The following PCDHB15 variants were observed in gnomAD, a reference collection of about 807,000 sequenced individuals.
The protein encoded by PCDHB15 is protocadherin beta 15.
For missense variants in PCDHB15, 1,032 were observed against 991.7 expected (o/e 1.04, Z -0.55); for synonymous variants, 492 against 447.9 (o/e 1.10, Z -1.24).
chr5:141,245,540 G>C lies in PCDHB15; in HGVS notation c.-39G>C, dbSNP rs371411576. 1 of 1,579,720 alleles carries C rather than the reference G, an allele frequency of 6.3e-7. No homozygotes were observed. Among genetic ancestry groups the C allele is most frequent in the South Asian group, 1.1e-5 (1 of 88,032 alleles). ...TCCCATCGCTCCCTGAAGTAGCTCTGACTCCGGTTCCTTGAAAGGGGCGTG... is the reference window on the plus strand; with the variant it reads ...TCCCATCGCTCCCTGAAGTAGCTCTCACTCCGGTTCCTTGAAAGGGGCGTG... On this transcript the variant is annotated 5_prime_UTR_variant, in exon 1 of 1. Coordinates refer to ENST00000231173, the MANE Select transcript of PCDHB15 (RefSeq NM_018935.4).
chr5:141,246,621 G>T lies in PCDHB15; in HGVS notation c.1043G>T (p.Ser348Ile), dbSNP rs1316713200. Residue 348 changes from serine (S) to isoleucine (I), a missense_variant, in exon 1 of 1, where the codon AGT (serine) becomes ATT (isoleucine). Coordinates refer to ENST00000231173, the MANE Select transcript of PCDHB15 (RefSeq NM_018935.4). ...LDVNDNFPEL[S>I]ISSLTSPIPE... Reference sequence around the variant, plus strand: ...GTTAACGATAACTTCCCGGAACTAAGTATTTCATCACTTACCAGCCCTATT... The same window carrying T: ...GTTAACGATAACTTCCCGGAACTAATTATTTCATCACTTACCAGCCCTATT... 3.1e-6 allele frequency: 5 copies of T among 1,614,086 alleles called. No individual in the cohort carries two copies. Among genetic ancestry groups the T allele is most frequent in the Non-Finnish European group, 4.2e-6 (5 of 1,180,056 alleles).
rs144247052 is a variant in PCDHB15 at position 141,247,638 on chromosome 5, C to A, written c.2060C>A (p.Thr687Asn). 4.2e-5 allele frequency: 67 copies of A among 1,610,458 alleles called. No homozygotes were observed. In the African/African-American group the frequency reaches 8.3e-4, roughly 20 times the overall value. ...GCCCAAGCCCAGGCCGACTCGCTTA[C>A]CGTCTACCTGGTGGTGGCATTGGCC... ...APAQAQADSL[T>N]VYLVVALASV... Residue 687 changes from threonine to asparagine, a missense_variant, in exon 1 of 1, where the codon ACC becomes AAC. Thr to Asn is a moderately conservative substitution (Grantham distance 65). Transcript: ENST00000231173.
chr5:141,248,143 A>G lies in PCDHB15; in HGVS notation c.*201A>G, dbSNP rs1230362656. On this transcript the variant is annotated 3_prime_UTR_variant, in exon 1 of 1. Coordinates refer to ENST00000231173, the MANE Select transcript of PCDHB15 (RefSeq NM_018935.4). ...TATTATAAATATTTTATATCAGGAA[A>G]GTTCATATTTCTGAATAAATTAATA... The G allele has an allele frequency of 2.3e-6, 1 of 444,170 alleles. No individual in the cohort carries two copies. The highest frequency in any genetic ancestry group is 3.8e-6 in the Non-Finnish European group (1 of 260,954). The allele number at this position is 444,170 out of a possible 1,614,324, so 27.5% of individuals were successfully genotyped here. A position where few individuals can be genotyped will look rare whatever the true frequency, so the allele number is the denominator to read the frequency against.
rs782696432 is a variant in PCDHB15, at chr5:141,245,972, G to T, written c.394G>T (p.Glu132Ter). The change falls in exon 1 of 1, where the codon GAG becomes TAG. Residue 132 changes from glutamate to a stop codon, truncating the protein, a stop_gained. Coordinates refer to ENST00000231173, the MANE Select transcript of PCDHB15 (RefSeq NM_018935.4). LOFTEE classifies it low-confidence loss of function (END_TRUNC). ...GACAGACATAAACGATCATTCTCCTGAGTTTCCTGAAAGAGAAATGACCCT... is the reference window on the plus strand; with the variant it reads ...GACAGACATAAACGATCATTCTCCTTAGTTTCCTGAAAGAGAAATGACCCT... ...LVTDINDHSP[E>*]FPEREMTLKI... 6.2e-7 allele frequency: 1 copy of T among 1,614,152 alleles called. No individual in the cohort carries two copies. Among genetic ancestry groups the T allele is most frequent in the East Asian group, 2.2e-5 (1 of 44,886 alleles).
rs782754365 is a variant in PCDHB15 at position 141,246,312 on chromosome 5, C to T, written c.734C>T (p.Ala245Val). ...ANDNAPEFVQ[A>V]LYEVQVPENS... ...GACAATGCCCCGGAGTTTGTGCAGG[C>T]GCTCTACGAGGTGCAGGTCCCAGAG... Residue 245 changes from alanine (A) to valine (V), a missense_variant, in exon 1 of 1, where the codon GCG becomes GTG. By Grantham distance (64) the Ala-to-Val change is moderately conservative. Coordinates refer to ENST00000231173, the MANE Select transcript of PCDHB15 (RefSeq NM_018935.4). 1.2e-6 allele frequency: 2 copies of T among 1,614,040 alleles called. No individual in the cohort carries two copies. The highest frequency in any genetic ancestry group is 1.3e-5 in the African/African-American group (1 of 75,010).
rs1278638381 is a variant in PCDHB15, at chr5:141,247,790, G to A, written c.2212G>A (p.Asp738Asn). 1 of 1,614,116 alleles carries A rather than the reference G, an allele frequency of 6.2e-7. No homozygotes were observed. The highest frequency in any genetic ancestry group is 8.5e-7 in the Non-Finnish European group (1 of 1,180,054). ...GGGCCCCTTTCCAGGGCATCTGGTG[G>A]ACGTGAGCGGCACCGGGACCCTTTC... ...PEGPFPGHLVDVSGTGTLSQS... is the reference protein window; with the variant it reads ...PEGPFPGHLVNVSGTGTLSQS... Residue 738 changes from aspartate to asparagine, a missense_variant, in exon 1 of 1, where the codon GAC (aspartate) becomes AAC (asparagine). Physicochemically the swap from Asp to Asn is conservative, Grantham distance 23 (BLOSUM62 1). Transcript: ENST00000231173.
Position 141,245,832 on chromosome 5 carries a change from T to C in PCDHB15, c.254T>C (p.Ile85Thr), listed in dbSNP as rs782189686. 5 of 1,614,072 alleles carry C rather than the reference T, an allele frequency of 3.1e-6. No homozygotes were observed. Among genetic ancestry groups the C allele is most frequent in the Admixed American group, 1.7e-5 (1 of 60,004 alleles). Residue 85 changes from isoleucine to threonine, a missense_variant, in exon 1 of 1, where the codon ATA becomes ACA. By Grantham distance (89) the Ile-to-Thr change is moderately conservative. Transcript: ENST00000231173. ...LQLDLQTGQLILNEKLDREKL... is the reference protein window; with the variant it reads ...LQLDLQTGQLTLNEKLDREKL... ...CTTGATCTGCAGACCGGGCAGTTGATATTAAATGAGAAGCTGGACCGGGAG... is the reference window on the plus strand; with the variant it reads ...CTTGATCTGCAGACCGGGCAGTTGACATTAAATGAGAAGCTGGACCGGGAG...
In PCDHB15 at chr5:141,246,549, G is replaced by C. The variant is rs147373970; in HGVS notation, c.971G>C (p.Gly324Ala). Residue 324 changes from glycine (G) to alanine (A), a missense_variant, in exon 1 of 1, where the codon GGC becomes GCC. By Grantham distance (60) the Gly-to-Ala change is moderately conservative (BLOSUM62 0). Transcript: ENST00000231173. ...GATCTAGATATAGAGGCATCTGATG[G>C]CGGGGGACTTTCTGGAAAATGCTCT... The part of the protein sequence containing the change: ...SYDLDIEASD[G>A]GGLSGKCSVS... 4.4e-3 allele frequency: 7,095 copies of C among 1,614,144 alleles called. 38 individuals are homozygous for C. The highest frequency in any genetic ancestry group is 5.5e-3 in the South Asian group (503 of 91,082).
rs183390943 is a variant in PCDHB15, at chr5:141,247,856, G to A, written c.2278G>A (p.Glu760Lys). ...CGAGGTGTGTCTGACGGGAGGCTCT[G>A]AAAGTAATGATTTCAAGTTCTTGAA... ...QYEVCLTGGS[E>K]SNDFKFLKPI... The change falls in exon 1 of 1, where the codon GAA (glutamate) becomes AAA (lysine). Residue 760 changes from glutamate (E) to lysine (K), a missense_variant. By Grantham distance (56) the Glu-to-Lys change is moderately conservative. Coordinates refer to ENST00000231173, the MANE Select transcript of PCDHB15 (RefSeq NM_018935.4). 3 of 1,614,216 alleles carry A rather than the reference G, an allele frequency of 1.9e-6. No individual in the cohort carries two copies. In the East Asian group the frequency reaches 6.7e-5, roughly 36 times the overall value.
Position 141,246,865 on chromosome 5 carries a change from A to G in PCDHB15, c.1287A>G (p.Pro429=). 1 of 1,614,140 alleles carries G rather than the reference A, an allele frequency of 6.2e-7. No individual in the cohort carries two copies. Among genetic ancestry groups the G allele is most frequent in the Non-Finnish European group, 8.5e-7 (1 of 1,180,030 alleles). Residue 429 remains proline, a synonymous_variant, in exon 1 of 1, where the codon CCA becomes CCG. Transcript: ENST00000231173. ...TCACCATCACAGACTTGGGGACTCC[A>G]AGGCTGAAAACCGAGCAGAGCATAA... The part of the protein sequence containing the change: ...ITITITDLGT[P]RLKTEQSITV...
chr5:141,246,646 TC>T lies in PCDHB15; in HGVS notation c.1071del (p.Glu358ArgfsTer24), dbSNP rs782416316. On this transcript the variant is annotated frameshift_variant, in exon 1 of 1. Transcript: ENST00000231173. LOFTEE classifies it low-confidence loss of function (END_TRUNC). ...GTATTTCATCACTTACCAGCCCTAT[TC>T]CCGAGAATTCTCCAGAGACAGAAGT... ...LSISSLTSPI[P>X]ENSPETEVAL... is the part of the protein sequence containing the mutation. The T allele has an allele frequency of 2.5e-6, 4 of 1,614,218 alleles. No homozygotes were observed. In the East Asian group the frequency reaches 8.9e-5, roughly 36 times the overall value.
Position 141,248,022 on chromosome 5 carries a change from T to A in PCDHB15, c.*80T>A, listed in dbSNP as rs1755324980. 7.4e-7 allele frequency: 1 copy of A among 1,354,678 alleles called. No homozygotes were observed. The highest frequency in any genetic ancestry group is 1.0e-6 in the Non-Finnish European group (1 of 1,002,784). The allele number at this position is 1,354,678 out of a possible 1,614,324, so 83.9% of individuals were successfully genotyped here. Reference sequence around the variant, plus strand: ...ACCTTAGTTTTTTTTAACCCTTTAGTAATCTTGAATTCTACTTTTTTTTAA... The same window carrying A: ...ACCTTAGTTTTTTTTAACCCTTTAGAAATCTTGAATTCTACTTTTTTTTAA... On this transcript the variant is annotated 3_prime_UTR_variant, in exon 1 of 1. Transcript: ENST00000231173.
At position 141,247,147 on chromosome 5, in the gene PCDHB15, C is replaced by A; in HGVS notation, c.1569C>A (p.Ala523=). 6.2e-7 allele frequency: 1 copy of A among 1,613,824 alleles called. No individual in the cohort carries two copies. The highest frequency in any genetic ancestry group is 1.1e-5 in the South Asian group (1 of 91,060). Residue 523 remains alanine, a synonymous_variant, in exon 1 of 1, where the codon GCC becomes GCA. Coordinates refer to ENST00000231173, the MANE Select transcript of PCDHB15 (RefSeq NM_018935.4). ...LFALQSLDYE[A]LQAFEFRVGA... ...CTCTCCAGTCGCTGGACTACGAGGCCCTGCAGGCTTTCGAGTTCCGCGTGG... is the reference window on the plus strand; with the variant it reads ...CTCTCCAGTCGCTGGACTACGAGGCACTGCAGGCTTTCGAGTTCCGCGTGG...
rs1554292011 is a variant in PCDHB15, at chr5:141,246,766, T to G, written c.1188T>G (p.Ser396=). ...ATGTTCCTTTTAAGCTAAAACCTTCTGTTGAGAATTTCTACAGGCTGGTAA... is the reference window on the plus strand; with the variant it reads ...ATGTTCCTTTTAAGCTAAAACCTTCGGTTGAGAATTTCTACAGGCTGGTAA... ...QDDVPFKLKP[S]VENFYRLVTE... The change falls in exon 1 of 1, where the codon TCT becomes TCG. Residue 396 remains serine, a synonymous_variant. Transcript: ENST00000231173. 1 of 1,614,080 alleles carries G rather than the reference T, an allele frequency of 6.2e-7. No individual in the cohort carries two copies. The highest frequency in any genetic ancestry group is 8.5e-7 in the Non-Finnish European group (1 of 1,179,942).
Position 141,245,698 on chromosome 5 carries a change from G to A in PCDHB15, c.120G>A (p.Glu40=), listed in dbSNP as rs207466432. The change falls in exon 1 of 1, where the codon GAG becomes GAA. Residue 40 remains glutamate (E), a synonymous_variant. Transcript: ENST00000231173. ...PRRYSVMEET[E]RGSFVANLAN... ...GCTATTCTGTGATGGAGGAAACAGA[G>A]AGAGGTTCTTTTGTAGCCAACCTGG... 6.2e-7 allele frequency: 1 copy of A among 1,614,228 alleles called. No homozygotes were observed. Among genetic ancestry groups the A allele is most frequent in the African/African-American group, 1.3e-5 (1 of 75,066 alleles).
rs782025558 is a variant in PCDHB15 at position 141,246,523 on chromosome 5, T to C, written c.945T>C (p.Tyr315=). Residue 315 remains tyrosine (Y), a synonymous_variant, in exon 1 of 1, where the codon TAT becomes TAC. Transcript: ENST00000231173. ...KKLDFETMSS[Y]DLDIEASDGG... is the part of the protein sequence containing the mutation. ...TAGATTTTGAGACAATGTCTTCGTA[T>C]GATCTAGATATAGAGGCATCTGATG... The C allele has an allele frequency of 1.7e-5, 28 of 1,614,070 alleles. No homozygotes were observed. Among genetic ancestry groups the C allele is most frequent in the Non-Finnish European group, 2.3e-5 (27 of 1,180,008 alleles).
rs1755258166 is a variant in PCDHB15 at position 141,246,279 on chromosome 5, A to G, written c.701A>G (p.Asp234Gly). 1 of 1,614,138 alleles carries G rather than the reference A, an allele frequency of 6.2e-7. No individual in the cohort carries two copies. The highest frequency in any genetic ancestry group is 1.3e-5 in the African/African-American group (1 of 75,030). Residue 234 changes from aspartate (D) to glycine (G), a missense_variant, in exon 1 of 1, where the codon GAC becomes GGC. Physicochemically the swap from Asp to Gly is moderately conservative, Grantham distance 94 (BLOSUM62 -1). Transcript: ENST00000231173. ...GTCCAGATCCTCATCTTGGTCTTGG[A>G]CGCCAATGACAATGCCCCGGAGTTT... ...GTVQILILVL[D>G]ANDNAPEFVQ...
In PCDHB15 at chr5:141,246,041, A is replaced by G. The variant is rs1554291836; in HGVS notation, c.463A>G (p.Lys155Glu). ...CTCCCTTGGGACTGTGTTTCCTCTG[A>G]AAAAAGCTCGGGACTTGGACGTGGG... ...TSSLGTVFPL[K>E]KARDLDVGSN... The change falls in exon 1 of 1, where the codon AAA (lysine) becomes GAA (glutamate). Residue 155 changes from lysine (K) to glutamate (E), a missense_variant. Coordinates refer to ENST00000231173, the MANE Select transcript of PCDHB15 (RefSeq NM_018935.4). 1 of 1,614,154 alleles carries G rather than the reference A, an allele frequency of 6.2e-7. No homozygotes were observed. Among genetic ancestry groups the G allele is most frequent in the East Asian group, 2.2e-5 (1 of 44,890 alleles).
At position 141,247,845 on chromosome 5, in the gene PCDHB15, C is replaced by A; in HGVS notation, c.2267C>A (p.Thr756Lys). Residue 756 changes from threonine (T) to lysine (K), a missense_variant, in exon 1 of 1, where the codon ACG (threonine) becomes AAG (lysine). Thr to Lys is a moderately conservative substitution (Grantham distance 78). Coordinates refer to ENST00000231173, the MANE Select transcript of PCDHB15 (RefSeq NM_018935.4). ...SQSYQYEVCL[T>K]GGSESNDFKF... is the part of the protein sequence containing the mutation. ...AGCTACCAGTACGAGGTGTGTCTGACGGGAGGCTCTGAAAGTAATGATTTC... is the reference window on the plus strand; with the variant it reads ...AGCTACCAGTACGAGGTGTGTCTGAAGGGAGGCTCTGAAAGTAATGATTTC... The A allele has an allele frequency of 6.2e-7, 1 of 1,614,200 alleles. No homozygotes were observed. The highest frequency in any genetic ancestry group is 8.5e-7 in the Non-Finnish European group (1 of 1,180,034).
Sources: gnomAD v4.1 joint callset for allele counts on GRCh38, gnomAD v4.1.1 for gene constraint, MANE v1.5 for transcripts, NCBI Gene and HGNC (gene_info 2026-07-23, HGNC 2026-07-21) for gene names.